CDK19: variants seen among roughly 807,000 people sequenced by gnomAD.
CDK19 encodes the protein cyclin-dependent kinase 19.
In CDK19, 20 loss-of-function variants were observed where a neutral mutation model predicts 68.3. That is an observed-to-expected ratio of 0.29 (90% CI 0.21 to 0.43). The LOEUF (loss-of-function observed/expected upper bound fraction) is 0.43. CDK19 is among the 20% of genes least tolerant of loss of function. The pLI is 1.00. For synonymous variants in CDK19, 221 were observed against 222.8 expected (o/e 0.99, Z 0.07); for missense variants, 339 against 623.5 (o/e 0.54, Z 4.86).
chr6:110,736,690 G>A lies in CDK19; in HGVS notation c.204+9436C>T, dbSNP rs540436468. Among the ~76,000 whole-genome samples the A allele has an allele frequency of 3.0e-3, 450 of 152,144 alleles. 2 individuals carry two copies. The highest frequency in any genetic ancestry group is 0.011 in the African/African-American group (436 of 41,524). On this transcript the variant is annotated intron_variant, in intron 2 of 12. Coordinates refer to ENST00000368911, the MANE Select transcript of CDK19 (RefSeq NM_015076.5). ...TTTGACCACAGTGAAAACAAGTTAA[G>A]CTATTTTCTTTGCTTAGAGTTTAAA... is the stretch of plus-strand genomic sequence containing the variant.
chr6:110,691,550 C>G (rs1181090062), intron 2 of CDK19, among the ~76,000 whole-genome samples: 3 of 152,152 alleles, frequency 2.0e-5, no homozygotes, highest in African/African-American at 7.2e-5. Flanking sequence ...GAGGTCAAGG[C>G]AGGCTCCCGG....
intron 5 of CDK19, among the ~76,000 whole-genome samples, chr6:110,635,099 A>C (rs956784154): frequency 2.0e-5 from 3 of 152,206 alleles, no homozygotes; most frequent in Admixed American, 6.5e-5. Flanking sequence ...TTCACAGATA[A>C]GGTTAGTAAA....
At chr6:110,772,656 G>C (rs1780103290) in intron 1 of CDK19, among the ~76,000 whole-genome samples, 1 of 152,144 alleles carries the variant, frequency 6.6e-6, no homozygotes, top group African/African-American at 2.4e-5. Flanking sequence ...AAACAAAACT[G>C]CCAAGGCAGG....
chr6:110,693,744 G>C (rs1773236325), intron 2 of CDK19, among the ~76,000 whole-genome samples: 1 of 152,080 alleles, frequency 6.6e-6, no homozygotes, highest in South Asian at 2.1e-4. Flanking sequence ...GCCACAGCAA[G>C]TCCTGCCCTG....
intron 2 of CDK19, among the ~76,000 whole-genome samples, chr6:110,685,566 T>C (rs1387484336): frequency 6.6e-6 from 1 of 152,226 alleles, no homozygotes; most frequent in African/African-American, 2.4e-5. Flanking sequence ...CAAACACATG[T>C]AGATTTTCAA....
intron 1 of CDK19, among the ~76,000 whole-genome samples, chr6:110,776,032 G>A (rs1218996730): frequency 6.6e-6 from 1 of 152,112 alleles, no homozygotes; most frequent in Non-Finnish European, 1.5e-5. Context: ...AGTGAAACAA[G>A]GTTTTTAAAA....
At chr6:110,730,374 C>G (rs757124703) in intron 2 of CDK19, among the ~76,000 whole-genome samples, 5 of 152,148 alleles carry the variant, frequency 3.3e-5, no homozygotes, top group Non-Finnish European at 5.9e-5. Flanking sequence ...AGAAAAGTTT[C>G]TTTCAAAAAG....
At chr6:110,703,261 G>A (rs1774161134) in intron 2 of CDK19, among the ~76,000 whole-genome samples, 1 of 152,058 alleles carries the variant, frequency 6.6e-6, no homozygotes, top group African/African-American at 2.4e-5. Flanking sequence ...ACCAAGAATA[G>A]GCAAGCTGAC....
At chr6:110,735,551 G>A (rs1008542922) in intron 2 of CDK19, among the ~76,000 whole-genome samples, 15 of 152,086 alleles carry the variant, frequency 9.9e-5, no homozygotes, top group African/African-American at 3.4e-4. Context: ...TTTTAGACAT[G>A]AAGAAACTAA....
At chr6:110,797,025 A>T (rs894518587) in intron 1 of CDK19, among the ~76,000 whole-genome samples, 21 of 141,914 alleles carry the variant, frequency 1.5e-4, no homozygotes, top group Non-Finnish European at 4.6e-5. Flanking sequence ...AAAAAAAAAA[A>T]ATACACATAA....
intron 1 of CDK19, among the ~76,000 whole-genome samples, chr6:110,765,725 T>C (rs541809790): frequency 1.3e-5 from 2 of 150,022 alleles, no homozygotes; most frequent in African/African-American, 2.4e-5. Context: ...GAATATTATA[T>C]ATATAAATAT....
Position 110,815,003 on chromosome 6 carries a change from T to G in CDK19, c.128+6A>C. On this transcript the variant is annotated splice_donor_region_variant and intron_variant, in intron 1 of 12. Transcript: ENST00000368911. The stretch of plus-strand genomic sequence containing the variant: ...GCGAGCCTACTCCTCCCGCCCCTGC[T>G]CTTACCCATCTTTCCGCCTCGCCTT... The G allele has an allele frequency of 2.5e-6, 4 of 1,603,512 alleles. No homozygotes were observed. The highest frequency in any genetic ancestry group is 3.4e-6 in the Non-Finnish European group (4 of 1,175,740).
At chr6:110,639,153 A>G (rs1779967005) in intron 4 of CDK19, among the ~76,000 whole-genome samples, 1 of 152,236 alleles carries the variant, frequency 6.6e-6, no homozygotes, top group Admixed American at 6.5e-5. Flanking sequence ...ATCAGCATTC[A>G]ACAACTCTAT....
intron 1 of CDK19, chr6:110,814,804 C>A: frequency 1.4e-6 from 1 of 701,362 alleles, no homozygotes; most frequent in East Asian, 3.0e-5. Flanking sequence ...GGCTGCGCCG[C>A]GGGAGTTCGA....
At chr6:110,620,990 A>G (rs1263110440) in intron 12 of CDK19, 114 bp downstream of exon 12, 18 of 961,554 alleles carry the variant, frequency 1.9e-5, no homozygotes, top group Non-Finnish European at 2.7e-5. Flanking sequence ...TGCCCTAGAA[A>G]CAGGATTGCA....
intron 1 of CDK19, among the ~76,000 whole-genome samples, chr6:110,761,131 TA>T (rs2114952196): frequency 6.6e-6 from 1 of 152,130 alleles, no homozygotes; most frequent in South Asian, 2.1e-4. Flanking sequence ...TGTTTTTTGA[TA>T]GGAGGGGGTC....
At chr6:110,655,536 A>G (rs954603938) in intron 4 of CDK19, among the ~76,000 whole-genome samples, 1 of 152,088 alleles carries the variant, frequency 6.6e-6, no homozygotes, top group Non-Finnish European at 1.5e-5. Context: ...TTTCCCTGTC[A>G]AAACTCCTCT....
chr6:110,718,355 T>C (rs1775566159), intron 2 of CDK19, among the ~76,000 whole-genome samples: 1 of 152,096 alleles, frequency 6.6e-6, no homozygotes, highest in Non-Finnish European at 1.5e-5. Flanking sequence ...GGTGTGGAAT[T>C]AGCCTCCTGC....
At chr6:110,620,739 A>G (rs1778657380) in intron 12 of CDK19, among the ~76,000 whole-genome samples, 2 of 152,202 alleles carry the variant, frequency 1.3e-5, no homozygotes, top group African/African-American at 4.8e-5. Context: ...AAAGAATGCA[A>G]TTAATTTTGT....
Sources: gnomAD v4.1 joint callset for allele counts (sites outside exome capture counted in the v4.1 genomes callset) on GRCh38, gnomAD v4.1.1 for gene constraint, MANE v1.5 for transcripts, NCBI Gene and HGNC (gene_info 2026-07-23, HGNC 2026-07-21) for gene names.